MRPS21: variants seen among roughly 807,000 people sequenced by gnomAD.
MRPS21 encodes small ribosomal subunit protein bS21m.
A neutral mutation model predicts 9.9 loss-of-function variants in MRPS21; 8 were observed. The ratio of observed to expected loss-of-function variants is 0.81; its 90% CI spans 0.47 to 1.45. The LOEUF (loss-of-function observed/expected upper bound fraction) is 1.45. Ranked by LOEUF, MRPS21 falls within the 40% of genes most tolerant of loss-of-function variation. The pLI, the probability that MRPS21 is intolerant of heterozygous loss-of-function variation, is 0.00. For synonymous variants in MRPS21, 40 were observed against 40.3 expected, an observed-to-expected ratio of 0.99 and a Z score of 0.03; for missense variants, 101 against 118.9, an observed-to-expected ratio of 0.85 and a Z score of 0.70.
intron 2 of MRPS21, among the ~76,000 whole-genome samples, chr1:150,298,463 T>A (rs183081223): frequency 3.5e-4 from 53 of 152,368 alleles, no homozygotes; most frequent in African/African-American, 1.2e-3. Context: ...TGTTGCTTAA[T>A]GGTAAAACAA....
At chr1:150,297,157 G>T (rs1327649723) in intron 2 of MRPS21, among the ~76,000 whole-genome samples, 1 of 152,240 alleles carries the variant, frequency 6.6e-6, no homozygotes, top group East Asian at 1.9e-4. Context: ...CGGGCGTGGT[G>T]GCACACACCT....
chr1:150,304,019 AAG>A (rs1290240421), intron 2 of MRPS21: 18 of 410,154 alleles, frequency 4.4e-5, no homozygotes, highest in Admixed American at 3.8e-4. Flanking sequence ...AGTGCTATAA[AAG>A]AGACATCAGC....
chr1:150,297,151 C>T (rs945366952), intron 2 of MRPS21, among the ~76,000 whole-genome samples: 2 of 151,948 alleles, frequency 1.3e-5, no homozygotes, highest in Non-Finnish European at 2.9e-5. Flanking sequence ...ATTAGCCGGG[C>T]GTGGTGGCAC....
chr1:150,294,788 A>G (rs889885349), intron 2 of MRPS21, among the ~76,000 whole-genome samples: 3 of 150,340 alleles, frequency 2.0e-5, no homozygotes, highest in Non-Finnish European at 4.4e-5. Context: ...AATCTCAGCT[A>G]CTCGAGAGCT....
chr1:150,307,045 C>T, intron 2 of MRPS21, among the ~76,000 whole-genome samples: 1 of 56,450 alleles, frequency 1.8e-5, no homozygotes, highest in African/African-American at 8.5e-5. Context: ...TTTTTTATTT[C>T]CCCAATTTTT....
chr1:150,305,669 A>G (rs1352007960), intron 2 of MRPS21, among the ~76,000 whole-genome samples: 1 of 152,010 alleles, frequency 6.6e-6, no homozygotes, highest in African/African-American at 2.4e-5. Context: ...ATCTCGGCTC[A>G]TTGCAACCTC....
intron 2 of MRPS21, among the ~76,000 whole-genome samples, chr1:150,305,738 G>T (rs953537216): frequency 3.3e-5 from 5 of 152,146 alleles, no homozygotes; most frequent in Non-Finnish European, 1.5e-5. Flanking sequence ...GGGATTACAG[G>T]TGGGCACCAC....
At chr1:150,296,899 C>G (rs1428867562) in intron 2 of MRPS21, among the ~76,000 whole-genome samples, 1 of 151,702 alleles carries the variant, frequency 6.6e-6, no homozygotes, top group Non-Finnish European at 1.5e-5. Context: ...TGGTAGGGTT[C>G]TTGAGGACTG....
At position 150,294,042 on chromosome 1, in the gene MRPS21, G is replaced by A. The variant is rs139309826; in HGVS notation, c.-33+144G>A. ...ACCCCTTTTGGAACTATGTGTGGTG[G>A]TTGGGACCCTGTGGCGCATCCTTGT... On this transcript the variant is annotated intron_variant, in intron 1 of 2. Coordinates refer to ENST00000614145, the MANE Select transcript of MRPS21 (RefSeq NM_031901.6). The A allele has an allele frequency of 2.2e-4, 72 of 334,570 alleles. No homozygotes were observed. The East Asian group carries it at 5.0e-3, about 23-fold the overall frequency. 20.7% of individuals were successfully genotyped at this position (334,570 alleles called of 1,614,324 possible).
chr1:150,299,595 C>T (rs1560063436), intron 2 of MRPS21, among the ~76,000 whole-genome samples: 1 of 152,128 alleles, frequency 6.6e-6, no homozygotes, highest in Non-Finnish European at 1.5e-5. Flanking sequence ...GCTGGGATTA[C>T]AGGCACTTGC....
At chr1:150,298,336 C>CT (rs1279297121) in intron 2 of MRPS21, among the ~76,000 whole-genome samples, 1 of 152,088 alleles carries the variant, frequency 6.6e-6, no homozygotes, top group Non-Finnish European at 1.5e-5. Context: ...TAACTTCACT[C>CT]TTTTTTTCTG....
chr1:150,308,217 C>T lies in MRPS21; in HGVS notation c.253C>T (p.Gln85Ter). The change falls in exon 3 of 3, where the codon CAG (glutamine) becomes TAG (stop). Residue 85 changes from glutamine to a stop codon, truncating the protein, a stop_gained. Coordinates refer to ENST00000614145, the MANE Select transcript of MRPS21 (RefSeq NM_031901.6). LOFTEE classifies it high-confidence loss of function. ...LMRKNRADPW[Q>*]GC is the part of the protein sequence containing the mutation. The stretch of plus-strand genomic sequence containing the variant: ...GCGAAAGAATCGGGCAGATCCGTGG[C>T]AGGGCTGCTGAGGCCTGTGGGTGGG... The T allele has an allele frequency of 6.3e-7, 1 of 1,595,480 alleles. No homozygotes were observed.
At chr1:150,304,907 C>T (rs1405752910) in intron 2 of MRPS21, 4 of 283,138 alleles carry the variant, frequency 1.4e-5, no homozygotes, top group Non-Finnish European at 2.8e-5. Flanking sequence ...CAAAAATTAG[C>T]TGGTGCTTGT....
intron 2 of MRPS21, among the ~76,000 whole-genome samples, chr1:150,297,682 C>T (rs1052052372): frequency 6.6e-6 from 1 of 151,116 alleles, no homozygotes; most frequent in Non-Finnish European, 1.5e-5. Flanking sequence ...AAAATCTGGT[C>T]TGGGGTCAGC....
intron 2 of MRPS21, 66 bp from the exon 3 acceptor site, chr1:150,307,982 T>C: frequency 2.1e-6 from 3 of 1,408,130 alleles, no homozygotes; most frequent in South Asian, 1.7e-5. Context: ...TCGACTTCTA[T>C]TTATGAAACT....
intron 2 of MRPS21, among the ~76,000 whole-genome samples, chr1:150,298,373 A>G (rs1653989968): frequency 6.6e-6 from 1 of 152,062 alleles, no homozygotes; most frequent in African/African-American, 2.4e-5. Flanking sequence ...CTTCTTCTGT[A>G]TGATTTATTT....
chr1:150,305,646 G>A (rs146769149), intron 2 of MRPS21, among the ~76,000 whole-genome samples: 3 of 152,246 alleles, frequency 2.0e-5, no homozygotes, highest in Non-Finnish European at 4.4e-5. Flanking sequence ...CCCAGCTGGA[G>A]TGCAGTGCCT....
At chr1:150,299,973 G>T (rs1253384884) in intron 2 of MRPS21, among the ~76,000 whole-genome samples, 1 of 151,974 alleles carries the variant, frequency 6.6e-6, no homozygotes, top group Non-Finnish European at 1.5e-5. Flanking sequence ...AATCTCCAGG[G>T]GTTGCAACCT....
rs781906654 is a variant in MRPS21, at chr1:150,308,210, T to C, written c.246T>C (p.Asp82=). 6.3e-7 allele frequency: 1 copy of C among 1,598,418 alleles called. No homozygotes were observed. Among genetic ancestry groups the C allele is most frequent in the Admixed American group, 1.7e-5 (1 of 59,798 alleles). Residue 82 remains aspartate, a synonymous_variant, in exon 3 of 3, where the codon GAT becomes GAC. Coordinates refer to ENST00000614145, the MANE Select transcript of MRPS21 (RefSeq NM_031901.6). ...INFLMRKNRA[D]PWQGC ...TCTTGATGCGAAAGAATCGGGCAGA[T>C]CCGTGGCAGGGCTGCTGAGGCCTGT...
Sources: gnomAD v4.1 joint callset for allele counts (sites outside exome capture counted in the v4.1 genomes callset) on GRCh38, gnomAD v4.1.1 for gene constraint, MANE v1.5 for transcripts, NCBI Gene and HGNC (gene_info 2026-07-23, HGNC 2026-07-21) for gene names.